Variants in SAMD5 observed in about 807,000 individuals in gnomAD.
The protein encoded by SAMD5 is sterile alpha motif domain containing 5.
Under a neutral mutation model 11.3 loss-of-function variants are expected in SAMD5, and 13 were observed. That is an observed-to-expected ratio of 1.15 (90% confidence interval 0.75 to 1.83). SAMD5 has a LOEUF of 1.83. SAMD5 is among the 40% of genes most tolerant of loss of function. The pLI is 0.00. For missense variants in SAMD5, 255 were observed against 239.1 expected (o/e 1.07, Z -0.44); for synonymous variants, 129 against 111.3 (o/e 1.16, Z -1.00).
intron 1 of SAMD5, among the ~76,000 whole-genome samples, chr6:147,713,554 C>T (rs751429890): frequency 2.6e-5 from 4 of 152,096 alleles, no homozygotes; most frequent in Non-Finnish European, 5.9e-5. Flanking sequence ...GGGAATGACC[C>T]TGTATCATGA....
intron 1 of SAMD5, among the ~76,000 whole-genome samples, chr6:147,724,617 C>A (rs558788876): frequency 6.6e-6 from 1 of 152,150 alleles, no homozygotes; most frequent in African/African-American, 2.4e-5. Context: ...TATCCTGGCC[C>A]CCTGTGGAGA....
At chr6:147,518,110 C>T (rs141152754) in intron 1 of SAMD5, among the ~76,000 whole-genome samples, 123 of 152,162 alleles carry the variant, frequency 8.1e-4, no homozygotes, top group African/African-American at 2.8e-3. Context: ...GTGTCTGTGG[C>T]CCAAAAGGAG....
chr6:147,620,454 G>A lies in SAMD5; in HGVS notation c.162+111067G>A, dbSNP rs148718259. Among the ~76,000 whole-genome samples, 178 of 152,272 alleles carry A rather than the reference G, an allele frequency of 1.2e-3. 1 individual carries two copies. The highest frequency in any genetic ancestry group is 4.0e-3 in the African/African-American group (166 of 41,546). ...TATGCCTGTAACCTGTATTTATTGT[G>A]CACCAATTATGTGCAAAGCCTGGGC... is the stretch of plus-strand genomic sequence containing the variant. On this transcript the variant is annotated intron_variant, in intron 1 of 1. Coordinates refer to the SAMD5 transcript ENST00000566741.
the SAMD5 span, among the ~76,000 whole-genome samples, chr6:147,941,605 CA>C: frequency 6.6e-6 from 1 of 152,110 alleles, no homozygotes; most frequent in East Asian, 1.9e-4. Flanking sequence ...CATTTATAAA[CA>C]AAAAATGTGA....
intron 1 of SAMD5, among the ~76,000 whole-genome samples, chr6:147,584,585 T>C (rs1789347560): frequency 6.6e-6 from 1 of 152,182 alleles, no homozygotes; most frequent in African/African-American, 2.4e-5. Context: ...TAGTCCTTAT[T>C]ATCAGCTAAT....
At chr6:147,667,066 C>CAATTTAA (rs1790733290) in intron 1 of SAMD5, among the ~76,000 whole-genome samples, 1 of 152,150 alleles carries the variant, frequency 6.6e-6, no homozygotes, top group Admixed American at 6.5e-5. Context: ...AATTGCCCTG[C>CAATTTAA]TCTCCATGAG....
the SAMD5 span, among the ~76,000 whole-genome samples, chr6:147,940,053 C>T: frequency 6.6e-6 from 1 of 152,028 alleles, no homozygotes; most frequent in Non-Finnish European, 1.5e-5. Context: ...ACAGCACCTG[C>T]AAAGCCCAGA....
rs1014871201 is a variant in SAMD5 at position 147,565,908 on chromosome 6, A to G, written c.*1452A>G. The G allele has an allele frequency of 1.0e-5, 10 of 985,268 alleles. No individual in the cohort carries two copies. The highest frequency in any genetic ancestry group is 1.2e-4 in the Admixed American group (2 of 16,270). The allele number at this position is 985,268 out of a possible 1,614,324, so 61.0% of individuals were successfully genotyped here. A position where few individuals can be genotyped will look rare whatever the true frequency, so the allele number is the denominator to read the frequency against. On this transcript the variant is annotated 3_prime_UTR_variant, in exon 2 of 2. Transcript: ENST00000367474. ...GTTTAGAGCTCCCAAGTAGTACTGC[A>G]TTACGGAATCTACTACTTAGAAGAA...
chr6:147,643,797 G>GGA (rs1790351975), intron 1 of SAMD5, among the ~76,000 whole-genome samples: 1 of 150,900 alleles, frequency 6.6e-6, no homozygotes, highest in Non-Finnish European at 1.5e-5. Flanking sequence ...AGGAAGGAAA[G>GGA]AGAGAGAGAG....
rs567406664 is a variant in SAMD5, at chr6:147,711,690, T to A, written c.163-25627T>A. 1.1e-4 allele frequency among the ~76,000 whole-genome samples: 17 copies of A among 152,314 alleles called. No homozygotes were observed. Among genetic ancestry groups the A allele is most frequent in the Non-Finnish European group, 1.2e-4 (8 of 68,028 alleles). Reference sequence around the variant, plus strand: ...AAAGGGGTCATTGCTGAATTTGTAATCAGATTGTAATGAATTTCAGCTGAA... The same window carrying A: ...AAAGGGGTCATTGCTGAATTTGTAAACAGATTGTAATGAATTTCAGCTGAA... On this transcript the variant is annotated intron_variant, in intron 1 of 1. Coordinates refer to the SAMD5 transcript ENST00000566741. The surrounding 1 kb of genome is among the most constrained non-coding windows in gnomAD (Gnocchi z 4.1).
At chr6:147,843,647 C>T in the SAMD5 span, among the ~76,000 whole-genome samples, 130 of 152,144 alleles carry the variant, frequency 8.5e-4, 2 homozygotes, top group African/African-American at 3.0e-3. Context: ...AAAACAGACA[C>T]GTCAACCAAT....
intron 1 of SAMD5, among the ~76,000 whole-genome samples, chr6:147,556,371 C>T (rs893844207): frequency 3.3e-5 from 5 of 152,206 alleles, no homozygotes; most frequent in South Asian, 2.1e-4. Context: ...GGATTACAGG[C>T]GTGAGCCACC....
the SAMD5 span, among the ~76,000 whole-genome samples, chr6:147,796,679 T>A: frequency 3.3e-5 from 5 of 152,236 alleles, no homozygotes; most frequent in Non-Finnish European, 5.9e-5. Context: ...TTTCACGATA[T>A]TGATTCTTCC....
chr6:147,916,010 T>C, the SAMD5 span, among the ~76,000 whole-genome samples: 1 of 151,334 alleles, frequency 6.6e-6, no homozygotes, highest in African/African-American at 2.4e-5. Flanking sequence ...TGTTTGGTTT[T>C]TTTGTCCTTC....
intron 1 of SAMD5, among the ~76,000 whole-genome samples, chr6:147,705,002 TGTGAGCA>T (rs1317005995): frequency 6.6e-6 from 1 of 152,206 alleles, no homozygotes; most frequent in African/African-American, 2.4e-5. Flanking sequence ...AGCTGGGAAC[TGTGAGCA>T]GTGATTTAGG....
intron 1 of SAMD5, among the ~76,000 whole-genome samples, chr6:147,562,444 A>G (rs1041453898): frequency 3.3e-5 from 5 of 152,178 alleles, no homozygotes; most frequent in African/African-American, 9.7e-5. Flanking sequence ...TTTCTGACAC[A>G]AATAGCTTGT....
the SAMD5 span, among the ~76,000 whole-genome samples, chr6:147,806,303 TGC>T: frequency 0.41 from 58,424 of 141,022 alleles, 11,472 homozygotes; most frequent in South Asian, 0.52. Flanking sequence ...AGTGTGCGCA[TGC>T]GCGCGCGCGC....
chr6:147,668,825 CAAATT>C (rs145207642), intron 1 of SAMD5, among the ~76,000 whole-genome samples: 16,338 of 152,020 alleles, frequency 0.11, 1,280 homozygotes, highest in African/African-American at 0.23. Flanking sequence ...AAGACTGTCT[CAAATT>C]AAAAAGAAAC....
chr6:147,651,896 T>C (rs1391906778), intron 1 of SAMD5, among the ~76,000 whole-genome samples: 1 of 152,206 alleles, frequency 6.6e-6, no homozygotes, highest in African/African-American at 2.4e-5. Flanking sequence ...GATTCAGTGC[T>C]TTCCTCCAAG....
Sources: allele counts gnomAD v4.1 joint callset (sites outside exome capture counted in the v4.1 genomes callset), GRCh38; gene constraint gnomAD v4.1.1; non-coding constraint Gnocchi (gnomAD v3.1); transcripts MANE v1.5; gene names NCBI Gene and HGNC (gene_info 2026-07-23, HGNC 2026-07-21).